Variants in BIRC2 observed in about 807,000 individuals in gnomAD.
The protein encoded by BIRC2 is baculoviral IAP repeat-containing protein 2.
Under a neutral mutation model 60.9 loss-of-function variants are expected in BIRC2, and 18 were observed. The observed-to-expected ratio is 0.30, with a 90% CI of 0.20 to 0.44. The LOEUF (loss-of-function observed/expected upper bound fraction) is 0.44. Among genes scored for constraint, BIRC2 ranks in the 20% least tolerant of loss-of-function variants. BIRC2 has a pLI of 1.00. For missense variants in BIRC2, 701 were observed against 728.5 expected, an observed-to-expected ratio of 0.96 and a Z score of 0.43; for synonymous variants, 282 against 247.7, an observed-to-expected ratio of 1.14 and a Z score of -1.30.
rs541296950 is a variant in BIRC2 at position 102,375,050 on chromosome 11, G to T, written c.1367-2446G>T. ...TTGCACACGGTGCGCGCACCCACTGGCCTGCGCCCACTGTCTGGCACTCCC... is the reference window on the plus strand; with the variant it reads ...TTGCACACGGTGCGCGCACCCACTGTCCTGCGCCCACTGTCTGGCACTCCC... On this transcript the variant is annotated intron_variant, in intron 6 of 8. Transcript: ENST00000227758. Among the ~76,000 whole-genome samples, 4 of 152,338 alleles carry T rather than the reference G, an allele frequency of 2.6e-5. No individual in the cohort carries two copies. The East Asian group carries it at 5.8e-4, about 22-fold the overall frequency.
At chr11:102,368,590 G>A (rs772481434) in intron 6 of BIRC2, 42 bp downstream of exon 6, 2 of 1,599,916 alleles carry the variant, frequency 1.3e-6, no homozygotes, top group East Asian at 2.2e-5. Context: ...TCTCAGTGGA[G>A]CTCTTAGGAC....
At chr11:102,353,986 T>G (rs375755100) in intron 3 of BIRC2, among the ~76,000 whole-genome samples, 2 of 152,104 alleles carry the variant, frequency 1.3e-5, no homozygotes, top group Non-Finnish European at 2.9e-5. Flanking sequence ...AGTCCAGAAG[T>G]TGACTCTGCA....
chr11:102,376,683 A>T (rs924152919), intron 6 of BIRC2, among the ~76,000 whole-genome samples: 14 of 152,210 alleles, frequency 9.2e-5, no homozygotes, highest in Admixed American at 2.0e-4. Flanking sequence ...TTTTAAAAAA[A>T]GGTCAGGCTT....
rs1951740606 is a variant in BIRC2, at chr11:102,378,666, A to G, written c.*483A>G. ...GAAACATCTCAATAAAGTGCTTTAAAAAGATTGTGTTACCAGAATATTTTT... is the reference window on the plus strand; with the variant it reads ...GAAACATCTCAATAAAGTGCTTTAAGAAGATTGTGTTACCAGAATATTTTT... On this transcript the variant is annotated 3_prime_UTR_variant, in exon 9 of 9. Transcript: ENST00000227758. The G allele has an allele frequency of 1.3e-5, 2 of 152,286 alleles. No individual in the cohort carries two copies. The highest frequency in any genetic ancestry group is 6.5e-5 in the Admixed American group (1 of 15,278). The allele number at this position is 152,286 out of a possible 1,614,324, so 9.4% of individuals were successfully genotyped here.
At chr11:102,377,237 T>A (rs1348640886) in intron 6 of BIRC2, among the ~76,000 whole-genome samples, 2 of 152,204 alleles carry the variant, frequency 1.3e-5, no homozygotes, top group African/African-American at 4.8e-5. Context: ...ATTTTTACTG[T>A]CTTCTACAAA....
chr11:102,377,956 A>G (rs772068403), intron 8 of BIRC2, 34 bp from the exon 9 acceptor site: 2 of 1,599,772 alleles, frequency 1.3e-6, no homozygotes, highest in East Asian at 4.5e-5. Context: ...AATGAAGTGG[A>G]AACAATTTCA....
intron 3 of BIRC2, among the ~76,000 whole-genome samples, chr11:102,358,810 A>T (rs2135810267): frequency 6.6e-6 from 1 of 152,206 alleles, no homozygotes; most frequent in East Asian, 1.9e-4. Flanking sequence ...TTTGGTTTCC[A>T]TTTGCATGGA....
intron 3 of BIRC2, among the ~76,000 whole-genome samples, chr11:102,354,366 T>G (rs1204431195): frequency 1.3e-5 from 2 of 152,184 alleles, no homozygotes; most frequent in Admixed American, 1.3e-4. Context: ...CCTGCCATCA[T>G]GTCCGGCTAA....
chr11:102,373,794 T>G (rs1290808700), intron 6 of BIRC2, among the ~76,000 whole-genome samples: 1 of 151,746 alleles, frequency 6.6e-6, no homozygotes, highest in East Asian at 1.9e-4. Flanking sequence ...CCCCATCACT[T>G]TCAGGTACAC....
chr11:102,358,650 ATGT>A (rs1429759204), intron 3 of BIRC2, among the ~76,000 whole-genome samples: 1 of 152,098 alleles, frequency 6.6e-6, no homozygotes, highest in African/African-American at 2.4e-5. Context: ...AGGTGGTCTG[ATGT>A]TGGGTACATA....
chr11:102,355,749 A>G (rs1387207504), intron 3 of BIRC2, among the ~76,000 whole-genome samples: 1 of 152,144 alleles, frequency 6.6e-6, no homozygotes, highest in Non-Finnish European at 1.5e-5. Flanking sequence ...TAAGAACACG[A>G]GATTGTTTAA....
rs1420214176 is a variant in BIRC2, at chr11:102,377,747, T to C, written c.1618T>C (p.Phe540Leu). The C allele has an allele frequency of 1.9e-6, 3 of 1,595,010 alleles. No homozygotes were observed. Among genetic ancestry groups the C allele is most frequent in the Admixed American group, 1.9e-5 (1 of 52,736 alleles). The change falls in exon 7 of 9, where the codon TTT becomes CTT. Residue 540 changes from phenylalanine to leucine, a missense_variant. By Grantham distance (22) the Phe-to-Leu change is conservative. Transcript: ENST00000227758. ...EIDSTLYKNL[F>L]VDKNMKYIPT... is the part of the protein sequence containing the mutation. ...TGACTCTACATTGTATAAGAACTTA[T>C]TTGGTGAGTTTGTTGGGAAAATTAT...
chr11:102,350,284 G>C lies in BIRC2; in HGVS notation c.430G>C (p.Glu144Gln), dbSNP rs1591531770. 2 of 1,614,172 alleles carry C rather than the reference G, an allele frequency of 1.2e-6. No homozygotes were observed. Among genetic ancestry groups the C allele is most frequent in the East Asian group, 4.5e-5 (2 of 44,888 alleles). The change falls in exon 2 of 9, where the codon GAA becomes CAA. Residue 144 changes from glutamate (E) to glutamine (Q), a missense_variant. Glu to Gln is a conservative substitution (Grantham distance 29). Transcript: ENST00000227758. ...TGCACATTCATTATCTCCCACCTTG[G>C]AACATAGTAGCTTGTTCAGTGGTTC... ...SFAHSLSPTLEHSSLFSGSYS... is the reference protein window; with the variant it reads ...SFAHSLSPTLQHSSLFSGSYS...
intron 3 of BIRC2, among the ~76,000 whole-genome samples, chr11:102,353,567 C>T (rs1951386627): frequency 6.6e-6 from 1 of 152,172 alleles, no homozygotes; most frequent in Non-Finnish European, 1.5e-5. Flanking sequence ...ATCTGCCTGC[C>T]TTGGCCTCCC....
intron 6 of BIRC2, among the ~76,000 whole-genome samples, chr11:102,377,172 A>C (rs1170952037): frequency 6.6e-6 from 1 of 152,208 alleles, no homozygotes; most frequent in African/African-American, 2.4e-5. Flanking sequence ...AGTGCTTACA[A>C]AAGTAAAATG....
Position 102,349,851 on chromosome 11 carries a change from A to G in BIRC2, c.-4A>G, listed in dbSNP as rs904096768. On this transcript the variant is annotated 5_prime_UTR_variant, in exon 2 of 9. Coordinates refer to ENST00000227758, the MANE Select transcript of BIRC2 (RefSeq NM_001166.5). ...TAGCTATCAAACAGTACTGTCACCTACTCATGCACAAAACTGCCTCCCAAA... is the reference window on the plus strand; with the variant it reads ...TAGCTATCAAACAGTACTGTCACCTGCTCATGCACAAAACTGCCTCCCAAA... 1 of 1,595,180 alleles carries G rather than the reference A, an allele frequency of 6.3e-7. No homozygotes were observed. Among genetic ancestry groups the G allele is most frequent in the African/African-American group, 1.3e-5 (1 of 74,458 alleles).
chr11:102,366,735 A>AT (rs1212103303), intron 5 of BIRC2, among the ~76,000 whole-genome samples: 12 of 152,132 alleles, frequency 7.9e-5, no homozygotes, highest in Non-Finnish European at 1.5e-4. Flanking sequence ...AGTCTTCCTG[A>AT]TTCTGGTTTA....
At chr11:102,351,090 C>T (rs776625648) in intron 3 of BIRC2, 147 bp downstream of exon 3, 2 of 763,042 alleles carry the variant, frequency 2.6e-6, no homozygotes, top group Non-Finnish European at 4.2e-6. Flanking sequence ...CACATTTTAA[C>T]TTTAATTATT....
intron 6 of BIRC2, among the ~76,000 whole-genome samples, chr11:102,377,083 A>G (rs775158433): frequency 6.6e-5 from 10 of 152,128 alleles, no homozygotes; most frequent in Non-Finnish European, 1.5e-4. Context: ...TTTTCTCCCT[A>G]TGTAAAAATG....
Sources: allele counts gnomAD v4.1 joint callset (sites outside exome capture counted in the v4.1 genomes callset), GRCh38; gene constraint gnomAD v4.1.1; transcripts MANE v1.5; gene names NCBI Gene and HGNC (gene_info 2026-07-23, HGNC 2026-07-21).